TUBGCP5: variants seen among roughly 807,000 people sequenced by gnomAD.
TUBGCP5 encodes gamma-tubulin complex component 5.
In TUBGCP5, 98 loss-of-function variants were observed where a neutral mutation model predicts 134.7. The ratio of observed to expected loss-of-function variants is 0.73; its 90% CI spans 0.62 to 0.86. The LOEUF is 0.86. TUBGCP5 is among the 40% of genes least tolerant of loss of function. The pLI, the probability that TUBGCP5 is intolerant of heterozygous loss-of-function variation, is 0.00. For missense variants in TUBGCP5, 1,150 were observed against 1,244.8 expected (o/e 0.92, Z 1.15); for synonymous variants, 456 against 431.4 (o/e 1.06, Z -0.71).
rs2066629213 is a variant in TUBGCP5, at chr15:23,037,016, A to C, written c.201-11T>G. 1 of 1,594,274 alleles carries C rather than the reference A, an allele frequency of 6.3e-7. No homozygotes were observed. The highest frequency in any genetic ancestry group is 8.5e-7 in the Non-Finnish European group (1 of 1,170,102). On this transcript the variant is annotated splice_polypyrimidine_tract_variant and intron_variant, in intron 2 of 22. Coordinates refer to ENST00000615383, the MANE Select transcript of TUBGCP5 (RefSeq NM_052903.6). The stretch of plus-strand genomic sequence containing the variant: ...AATTTTTCATAAATTCTAAAATATA[A>C]GAAAAGATTATAAAGCTATCTTAAA...
intron 5 of TUBGCP5, among the ~76,000 whole-genome samples, chr15:23,031,320 T>G (rs73409383): frequency 0.035 from 5,008 of 144,516 alleles, 271 homozygotes; most frequent in African/African-American, 0.12. Flanking sequence ...TTTTAACTTC[T>G]TTTTTTTTTT....
At chr15:23,033,356 C>T (rs2066418599) in intron 3 of TUBGCP5, among the ~76,000 whole-genome samples, 1 of 152,034 alleles carries the variant, frequency 6.6e-6, no homozygotes, top group Non-Finnish European at 1.5e-5. Context: ...CAGCTCACCG[C>T]AACCTCAGCC....
intron 13 of TUBGCP5, among the ~76,000 whole-genome samples, chr15:23,016,383 G>T (rs1009677334): frequency 6.6e-6 from 1 of 151,736 alleles, no homozygotes; most frequent in East Asian, 1.9e-4. Context: ...AATCCCAGCT[G>T]CTCAGGAGGC....
intron 23 of TUBGCP5, among the ~76,000 whole-genome samples, chr15:22,992,868 G>C (rs2063893925): frequency 6.6e-6 from 1 of 152,056 alleles, no homozygotes; most frequent in African/African-American, 2.4e-5. Context: ...TCCAAACAAA[G>C]TATTCAAGAT....
intron 11 of TUBGCP5, among the ~76,000 whole-genome samples, chr15:23,021,646 C>G (rs1175570805): frequency 2.0e-5 from 3 of 152,190 alleles, no homozygotes. Context: ...GTGGATGTGT[C>G]TACTTCAGCT....
At chr15:23,019,060 C>T (rs1241846688) in intron 12 of TUBGCP5, among the ~76,000 whole-genome samples, 159 bp downstream of exon 12, 4 of 152,288 alleles carry the variant, frequency 2.6e-5, no homozygotes, top group Non-Finnish European at 2.9e-5. Flanking sequence ...TGATGCCTTC[C>T]GTAAAAATGA....
Position 23,004,230 on chromosome 15 carries a change from T to G in TUBGCP5, c.2713-3A>C. ...TCCAGCCCTGTACTGTGTAGAATCT[T>G]GGAAGAGAAAGATAAAAAGCTTCAT... On this transcript the variant is annotated splice_polypyrimidine_tract_variant and splice_region_variant and intron_variant, in intron 19 of 22. Transcript: ENST00000615383. 1 of 1,603,400 alleles carries G rather than the reference T, an allele frequency of 6.2e-7. No individual in the cohort carries two copies.
At position 23,000,557 on chromosome 15, in the gene TUBGCP5, T is replaced by A. The variant is rs561462315; in HGVS notation, c.3028+12A>T. On this transcript the variant is annotated intron_variant, in intron 22 of 22. Transcript: ENST00000615383. ...ATACAGAGGTAGAAATATTTTAACA[T>A]GATATACTCACAATGGGGAAAGGAT... The A allele has an allele frequency of 5.0e-6, 8 of 1,609,860 alleles. No homozygotes were observed. Among genetic ancestry groups the A allele is most frequent in the Admixed American group, 1.7e-5 (1 of 59,360 alleles).
At chr15:23,002,240 T>G (rs1381943530) in intron 21 of TUBGCP5, among the ~76,000 whole-genome samples, 1 of 152,170 alleles carries the variant, frequency 6.6e-6, no homozygotes, top group Non-Finnish European at 1.5e-5. Flanking sequence ...AGCTATGGCT[T>G]CATCTACTAC....
chr15:23,024,089 C>A lies in TUBGCP5; in HGVS notation c.1026G>T (p.Met342Ile). 1 of 1,614,154 alleles carries A rather than the reference C, an allele frequency of 6.2e-7. No individual in the cohort carries two copies. Among genetic ancestry groups the A allele is most frequent in the Middle Eastern group, 1.6e-4 (1 of 6,062 alleles). ...DEVMGHSSES[M>I]LPGSGSVPKK... Reference sequence around the variant, plus strand: ...TAGGAACAGACCCACTTCCAGGCAGCATGCTCTCAGAACTGTGTCCCATGA... The same window carrying A: ...TAGGAACAGACCCACTTCCAGGCAGAATGCTCTCAGAACTGTGTCCCATGA... Residue 342 changes from methionine to isoleucine, a missense_variant, in exon 10 of 23, where the codon ATG (methionine) becomes ATT (isoleucine). Met to Ile is a conservative substitution (Grantham distance 10). Coordinates refer to ENST00000615383, the MANE Select transcript of TUBGCP5 (RefSeq NM_052903.6).
At position 23,017,887 on chromosome 15, in the gene TUBGCP5, T is replaced by C. The variant is rs1324502431; in HGVS notation, c.1642A>G (p.Met548Val). 2 of 1,614,140 alleles carry C rather than the reference T, an allele frequency of 1.2e-6. No homozygotes were observed. The highest frequency in any genetic ancestry group is 2.2e-5 in the East Asian group (1 of 44,886). ...DQGPSSRQHT[M>V]VSFLKPVLKQ... ...AGGACAGGTTTGAGGAAGGACACCA[T>C]GGTGTGCTGCCTGCTGGAGGGCCCC... The change falls in exon 13 of 23, where the codon ATG (methionine) becomes GTG (valine). Residue 548 changes from methionine to valine, a missense_variant. Met to Val is a conservative substitution (Grantham distance 21, BLOSUM62 1). Transcript: ENST00000615383.
chr15:22,988,525 A>C (rs1282742094), intron 23 of TUBGCP5, among the ~76,000 whole-genome samples: 1 of 151,506 alleles, frequency 6.6e-6, no homozygotes, highest in Non-Finnish European at 1.5e-5. Flanking sequence ...CGAGGTCAGG[A>C]GATCGAGACC....
intron 6 of TUBGCP5, among the ~76,000 whole-genome samples, chr15:23,029,195 A>T (rs1016189647): frequency 6.6e-6 from 1 of 152,168 alleles, no homozygotes; most frequent in Non-Finnish European, 1.5e-5. Context: ...TGCAATCCCA[A>T]TAAAAACTCC....
Position 23,006,300 on chromosome 15 carries a change from G to C in TUBGCP5, c.2380C>G (p.His794Asp). ...CTGAGGGTCAGACCATCTAAGATAT[G>C]AACAGGCAGCTTCTTCTTAGCTGTG... is the stretch of plus-strand genomic sequence containing the variant. ...VDTAKKKLPVHILDGLTLSYK... is the reference protein window; with the variant it reads ...VDTAKKKLPVDILDGLTLSYK... The change falls in exon 17 of 23, where the codon CAT becomes GAT. Residue 794 changes from histidine (H) to aspartate (D), a missense_variant. Physicochemically the swap from His to Asp is moderately conservative, Grantham distance 81. Coordinates refer to ENST00000615383, the MANE Select transcript of TUBGCP5 (RefSeq NM_052903.6). 6.2e-7 allele frequency: 1 copy of C among 1,609,832 alleles called. No homozygotes were observed. Among genetic ancestry groups the C allele is most frequent in the Non-Finnish European group, 8.5e-7 (1 of 1,179,186 alleles).
At chr15:23,021,893 C>A in intron 11 of TUBGCP5, 66 bp downstream of exon 11, 1 of 1,488,946 alleles carries the variant, frequency 6.7e-7, no homozygotes, top group Non-Finnish European at 9.4e-7. Context: ...GAACTACCAT[C>A]AGCTGTCTAT....
intron 23 of TUBGCP5, among the ~76,000 whole-genome samples, chr15:22,993,926 C>T (rs1440293889): frequency 6.6e-6 from 1 of 152,088 alleles, no homozygotes; most frequent in Non-Finnish European, 1.5e-5. Context: ...AGCGATTCGC[C>T]TGCCTCGGCC....
chr15:23,030,011 A>G (rs954913585), intron 6 of TUBGCP5, among the ~76,000 whole-genome samples: 3 of 152,330 alleles, frequency 2.0e-5, no homozygotes, highest in Middle Eastern at 3.4e-3. Context: ...CCTGGGCAAC[A>G]TGGTGAAACC....
rs140147622 is a variant in TUBGCP5 at position 23,039,406 on chromosome 15, G to A, written c.138C>T (p.Ser46=). The change falls in exon 1 of 23, where the codon TCC becomes TCT. Residue 46 remains serine, a synonymous_variant. Coordinates refer to ENST00000615383, the MANE Select transcript of TUBGCP5 (RefSeq NM_052903.6). ...CGCGCCGTGCCCCACACCTGAAGTT[G>A]GACCAGGCGAAGTTTAGGGCGAGCT... The part of the protein sequence containing the change: ...NFQLALNFAW[S]NFRFHRFLDV... 7 of 1,500,058 alleles carry A rather than the reference G, an allele frequency of 4.7e-6. No homozygotes were observed. In the South Asian group the frequency reaches 5.1e-5, roughly 11 times the overall value. The allele number at this position is 1,500,058 out of a possible 1,614,324, so 92.9% of individuals were successfully genotyped here. A position where few individuals can be genotyped will look rare whatever the true frequency, so the allele number is the denominator to read the frequency against.
At chr15:23,016,497 G>GA (rs34275068) in intron 13 of TUBGCP5, among the ~76,000 whole-genome samples, 13,731 of 102,650 alleles carry the variant, frequency 0.13, 1,045 homozygotes, top group East Asian at 0.5. Context: ...TCTGTCTCAG[G>GA]AAAAAAAAAA....
Sources: allele counts gnomAD v4.1 joint callset (sites outside exome capture counted in the v4.1 genomes callset), GRCh38; gene constraint gnomAD v4.1.1; transcripts MANE v1.5; gene names NCBI Gene and HGNC (gene_info 2026-07-23, HGNC 2026-07-21).